Variants in MED12L observed in about 807,000 individuals in gnomAD.
MED12L encodes the protein mediator of RNA polymerase II transcription subunit 12-like protein.
In MED12L, 60 loss-of-function variants were observed where a neutral mutation model predicts 281.3. The observed-to-expected ratio is 0.21, with a 90% CI of 0.17 to 0.26. MED12L has a LOEUF of 0.26. Ranked by LOEUF, MED12L falls within the 10% of genes least tolerant of loss-of-function variation. The pLI, the probability that MED12L is intolerant of heterozygous loss-of-function variation, is 1.00. For synonymous variants in MED12L, 974 were observed against 987.2 expected, an observed-to-expected ratio of 0.99 and a Z score of 0.25; for missense variants, 2,146 against 2,680.9, an observed-to-expected ratio of 0.80 and a Z score of 4.41.
At chr3:151,210,717 A>G (rs914663096) in intron 16 of MED12L, among the ~76,000 whole-genome samples, 2 of 152,224 alleles carry the variant, frequency 1.3e-5, no homozygotes, top group East Asian at 3.8e-4. Flanking sequence ...ATCTGCAGGT[A>G]TATTTTCTTT....
chr3:151,107,588 T>TG (rs1247567045), intron 2 of MED12L, among the ~76,000 whole-genome samples: 6 of 152,060 alleles, frequency 3.9e-5, no homozygotes, highest in Non-Finnish European at 8.8e-5. Context: ...GGGGTGGGAA[T>TG]GGCATGATGT....
rs1033423691 is a variant in MED12L at position 151,434,503 on chromosome 3, T to C, written c.*1699T>C. ...AAAACTATTCTTTTCACTAAATTAA[T>C]AGTCTATCTGCTTTCAGAAGATGTA... On this transcript the variant is annotated 3_prime_UTR_variant, in exon 45 of 45. Coordinates refer to ENST00000687756, the MANE Select transcript of MED12L (RefSeq NM_001393769.1). 5 of 123,872 alleles carry C rather than the reference T, an allele frequency of 4.0e-5. No individual in the cohort carries two copies. The highest frequency in any genetic ancestry group is 1.5e-4 in the African/African-American group (5 of 32,584). 7.7% of individuals were successfully genotyped at this position (123,872 alleles called of 1,614,324 possible).
rs550362286 is a variant in MED12L, at chr3:151,379,252, C to A, written c.4479-861C>A. Among the ~76,000 whole-genome samples, 3 of 152,308 alleles carry A rather than the reference C, an allele frequency of 2.0e-5. No homozygotes were observed. In the South Asian group the frequency reaches 6.2e-4, roughly 32 times the overall value. On this transcript the variant is annotated intron_variant, in intron 31 of 44. Coordinates refer to ENST00000687756, the MANE Select transcript of MED12L (RefSeq NM_001393769.1). ...TGTGCATTGCCTAACTTCCCATAGG[C>A]AGGACAGATGGTATTGAAGAGACTT...
chr3:151,126,522 G>T (rs984848750), intron 4 of MED12L, among the ~76,000 whole-genome samples: 3 of 152,308 alleles, frequency 2.0e-5, no homozygotes, highest in South Asian at 2.1e-4. Context: ...TGTGTGAATG[G>T]TCAAATTTGT....
At chr3:151,331,270 A>G (rs192618487) in intron 16 of MED12L, among the ~76,000 whole-genome samples, 6 of 152,306 alleles carry the variant, frequency 3.9e-5, no homozygotes, top group African/African-American at 7.2e-5. Flanking sequence ...CAGCAGCACT[A>G]TTGCCTGCTG....
intron 16 of MED12L, among the ~76,000 whole-genome samples, chr3:151,237,759 A>T (rs1296544493): frequency 6.6e-6 from 1 of 152,022 alleles, no homozygotes; most frequent in African/African-American, 2.4e-5. Flanking sequence ...CAGATTAAAA[A>T]TTTTTTTCTT....
intron 25 of MED12L, among the ~76,000 whole-genome samples, chr3:151,368,680 A>ATTTTC (rs1371561271): frequency 2.2e-5 from 1 of 45,324 alleles, no homozygotes; most frequent in African/African-American, 1.1e-4. Context: ...ATTTCATGTC[A>ATTTTC]TTTCATTTTA....
intron 6 of MED12L, among the ~76,000 whole-genome samples, chr3:151,157,617 C>T (rs1235542069): frequency 2.0e-5 from 3 of 152,052 alleles, no homozygotes; most frequent in Admixed American, 6.5e-5. Context: ...TTTTAAATTG[C>T]ACTTTTTATG....
chr3:151,239,581 C>G (rs1041118137), intron 16 of MED12L, among the ~76,000 whole-genome samples: 2 of 151,970 alleles, frequency 1.3e-5, no homozygotes, highest in African/African-American at 4.8e-5. Context: ...TTGTGTTAAC[C>G]TGCTATTTAA....
intron 16 of MED12L, among the ~76,000 whole-genome samples, chr3:151,208,815 C>G (rs970948570): frequency 1.6e-4 from 24 of 152,118 alleles, no homozygotes; most frequent in African/African-American, 5.3e-4. Flanking sequence ...CCACACACTT[C>G]TGGGGCAGGT....
chr3:151,120,797 C>A (rs1434176485), intron 3 of MED12L, among the ~76,000 whole-genome samples: 3 of 152,148 alleles, frequency 2.0e-5, no homozygotes, highest in Non-Finnish European at 2.9e-5. Flanking sequence ...ATATATATTG[C>A]TATTGCAATT....
intron 16 of MED12L, among the ~76,000 whole-genome samples, chr3:151,285,696 T>G (rs1005788397): frequency 1.7e-4 from 25 of 150,848 alleles, no homozygotes; most frequent in African/African-American, 5.9e-4. Flanking sequence ...AAAAAAAAAA[T>G]AAAAGAAAAA....
At chr3:151,380,030 G>A (rs1342499828) in intron 31 of MED12L, 83 bp from the exon 32 acceptor site, 3 of 838,262 alleles carry the variant, frequency 3.6e-6, no homozygotes, top group African/African-American at 1.8e-5. Context: ...TTATCTAATA[G>A]TGAGGCAAAG....
At chr3:151,088,228 C>T (rs1257755420) in intron 2 of MED12L, among the ~76,000 whole-genome samples, 1 of 152,192 alleles carries the variant, frequency 6.6e-6, no homozygotes, top group Non-Finnish European at 1.5e-5. Context: ...TAAATATGCT[C>T]TAGCATCAGT....
intron 16 of MED12L, among the ~76,000 whole-genome samples, chr3:151,334,188 C>CTTTTTTTTTTTTTTTT (rs1225344552): frequency 3.3e-5 from 1 of 30,304 alleles, no homozygotes; most frequent in Non-Finnish European, 5.7e-5. Context: ...TTTTTTCTTT[C>CTTTTTTTTTTTTTTTT]TTTCTTTCTT....
chr3:151,145,353 C>T (rs1452489089), intron 5 of MED12L, among the ~76,000 whole-genome samples: 2 of 152,130 alleles, frequency 1.3e-5, no homozygotes, highest in African/African-American at 4.8e-5. Flanking sequence ...CTAGGTACTT[C>T]TGTAGTCATG....
chr3:151,336,400 G>A, intron 16 of MED12L: 1 of 407,520 alleles, frequency 2.5e-6, no homozygotes, highest in Admixed American at 2.9e-5. Context: ...TAATGAAATA[G>A]AACTCAGCAG....
intron 17 of MED12L, among the ~76,000 whole-genome samples, chr3:151,353,868 G>A (rs552121851): frequency 3.9e-5 from 6 of 152,162 alleles, no homozygotes; most frequent in South Asian, 4.2e-4. Context: ...CTGGCCGGGC[G>A]CGGTGGCTCA....
In MED12L at chr3:151,244,367, G is replaced by A. The variant is rs142206038; in HGVS notation, c.2250+50701G>A. ...TCCAAAATTGACCACATACTTGGATGTAAAGATCTCCTCAGCAAATGTAAA... is the reference window on the plus strand; with the variant it reads ...TCCAAAATTGACCACATACTTGGATATAAAGATCTCCTCAGCAAATGTAAA... On this transcript the variant is annotated intron_variant, in intron 16 of 44. Transcript: ENST00000687756. Among the ~76,000 whole-genome samples, 398 of 127,286 alleles carry A rather than the reference G, an allele frequency of 3.1e-3. 11 individuals are homozygous for A. Among genetic ancestry groups the A allele is most frequent in the African/African-American group, 0.01 (374 of 37,380 alleles). The allele number at this position is 127,286 out of a possible 152,430, so 83.5% of individuals were successfully genotyped here.
Sources: allele counts gnomAD v4.1 joint callset (sites outside exome capture counted in the v4.1 genomes callset), GRCh38; gene constraint gnomAD v4.1.1; transcripts MANE v1.5; gene names NCBI Gene and HGNC (gene_info 2026-07-23, HGNC 2026-07-21).